CUL7: variants seen among roughly 807,000 people sequenced by gnomAD.
The protein encoded by CUL7 is cullin-7.
CUL7 carries 96 observed loss-of-function variants against 177.7 expected under a neutral mutation model. The ratio of observed to expected loss-of-function variants is 0.54; its 90% CI spans 0.46 to 0.64. The LOEUF (loss-of-function observed/expected upper bound fraction) is 0.64. CUL7 is among the 30% of genes least tolerant of loss of function. The pLI is 0.00. For missense variants in CUL7, 1,893 were observed against 2,187.9 expected (o/e 0.87, Z 2.69); for synonymous variants, 824 against 890.2 (o/e 0.93, Z 1.32).
At position 43,038,349 on chromosome 6, in the gene CUL7, C is replaced by T. The variant is rs1047558983; in HGVS notation, c.4691G>A (p.Arg1564Gln). Residue 1564 changes from arginine to glutamine, a missense_variant, in exon 25 of 26, where the codon CGG becomes CAG. Around this residue, in one of 5 missense-constraint regions of CUL7, gnomAD observed 248 missense variants for 262.5 expected, o/e 0.94. Coordinates refer to ENST00000265348, the MANE Select transcript of CUL7 (RefSeq NM_014780.5). ...GEDGQNLEKR[R>Q]NLLNCLIVRI... ...GACGATGAGGCAGTTCAGAAGATTCCGTCTCTTCTCCAAGTTCTGGCCGTC... is the reference window on the plus strand; with the variant it reads ...GACGATGAGGCAGTTCAGAAGATTCTGTCTCTTCTCCAAGTTCTGGCCGTC... 60 of 1,614,066 alleles carry T rather than the reference C, an allele frequency of 3.7e-5. No individual in the cohort carries two copies. The highest frequency in any genetic ancestry group is 4.5e-5 in the Non-Finnish European group (53 of 1,180,036).
Position 43,037,732 on chromosome 6 carries a change from A to G in CUL7, c.5053T>C (p.Tyr1685His). Residue 1685 changes from tyrosine to histidine, a missense_variant, in exon 26 of 26, where the codon TAT (tyrosine) becomes CAT (histidine). Tyr to His is a moderately conservative substitution (Grantham distance 83). Coordinates refer to ENST00000265348, the MANE Select transcript of CUL7 (RefSeq NM_014780.5). The stretch of plus-strand genomic sequence containing the variant: ...CTCTGGGTGGCAGTGCAGGAGGCAT[A>G]GGGCACACCCCGGGAGCGAATCTGT... ...TLQIRSRGVP[Y>H]ASCTATQSFS... 6.4e-7 allele frequency: 1 copy of G among 1,567,916 alleles called. No homozygotes were observed. The highest frequency in any genetic ancestry group is 8.6e-7 in the Non-Finnish European group (1 of 1,156,162).
chr6:43,052,426 G>A lies in CUL7; in HGVS notation c.363C>T (p.Ala121=), dbSNP rs1764495808. 7.4e-6 allele frequency: 12 copies of A among 1,613,952 alleles called. No individual in the cohort carries two copies. In the East Asian group the frequency reaches 2.7e-4, roughly 36 times the overall value. ...CCACACACTCCTCCAGCTGCCGAAGGGCTCTCTGAATGAGGGACTTCACGT... is the reference window on the plus strand; with the variant it reads ...CCACACACTCCTCCAGCTGCCGAAGAGCTCTCTGAATGAGGGACTTCACGT... ...ETDVKSLIQR[A]LRQLEECVGT... is the part of the protein sequence containing the mutation. Residue 121 remains alanine (A), a synonymous_variant, in exon 2 of 26, where the codon GCC becomes GCT. Transcript: ENST00000265348. This position sits in a 1 kb window ranked among gnomAD's most constrained non-coding sequence, Gnocchi z 4.5.
chr6:43,051,726 T>C lies in CUL7; in HGVS notation c.618A>G (p.Gln206=), dbSNP rs1561896171. The part of the protein sequence containing the change: ...RTQILLSLSQ[Q]EAIEKHLDFD... Reference sequence around the variant, plus strand: ...AATCCAGGTGTTTCTCAATGGCTTCTTGTTGGCTCAGTGACAGAAGGATCT... The same window carrying C: ...AATCCAGGTGTTTCTCAATGGCTTCCTGTTGGCTCAGTGACAGAAGGATCT... Residue 206 remains glutamine (Q), a synonymous_variant, in exon 3 of 26, where the codon CAA becomes CAG. Coordinates refer to ENST00000265348, the MANE Select transcript of CUL7 (RefSeq NM_014780.5). This position sits in a 1 kb window ranked among gnomAD's most constrained non-coding sequence, Gnocchi z 5.0. 1 of 1,614,176 alleles carries C rather than the reference T, an allele frequency of 6.2e-7. No individual in the cohort carries two copies. Among genetic ancestry groups the C allele is most frequent in the Non-Finnish European group, 8.5e-7 (1 of 1,180,034 alleles).
At chr6:43,049,291 G>T in intron 7 of CUL7, 116 bp downstream of exon 7, 1 of 1,335,608 alleles carries the variant, frequency 7.5e-7, no homozygotes, top group Non-Finnish European at 1.1e-6. Flanking sequence ...TCTCTAAGTT[G>T]CAGCTTCTAA....
chr6:43,051,214 G>C lies in CUL7; in HGVS notation c.987C>G (p.Ser329=), dbSNP rs1404803483. ...RPRSSARSPG[S]IFQPQLADVS... is the part of the protein sequence containing the mutation. ...CATCTGCCAGCTGAGGCTGGAAGAT[G>C]GAACCGGGGGACCGTGCTGAGCTCC... Residue 329 remains serine (S), a synonymous_variant, in exon 4 of 26, where the codon TCC becomes TCG. Transcript: ENST00000265348. The surrounding 1 kb of genome is among the most constrained non-coding windows in gnomAD (Gnocchi z 5.0). 3 of 1,614,192 alleles carry C rather than the reference G, an allele frequency of 1.9e-6. No individual in the cohort carries two copies. The highest frequency in any genetic ancestry group is 2.5e-6 in the Non-Finnish European group (3 of 1,180,038).
In CUL7 at chr6:43,043,345, T is replaced by C; in HGVS notation, c.3355+103A>G. 2.3e-6 allele frequency: 3 copies of C among 1,280,992 alleles called. No homozygotes were observed. Among genetic ancestry groups the C allele is most frequent in the Admixed American group, 1.8e-5 (1 of 56,780 alleles). The allele number at this position is 1,280,992 out of a possible 1,614,324, so 79.4% of individuals were successfully genotyped here. A position where few individuals can be genotyped will look rare whatever the true frequency, so the allele number is the denominator to read the frequency against. ...CTGGAAGATGAACAGGCTGAGCCCATAGGGAGGGGAAGGATGGGGATGGAC... is the reference window on the plus strand; with the variant it reads ...CTGGAAGATGAACAGGCTGAGCCCACAGGGAGGGGAAGGATGGGGATGGAC... On this transcript the variant is annotated intron_variant, in intron 17 of 25. Transcript: ENST00000265348. This position sits in a 1 kb window ranked among gnomAD's most constrained non-coding sequence, Gnocchi z 4.2.
In CUL7 at chr6:43,045,607, G is replaced by A. The variant is rs749279996; in HGVS notation, c.2842C>T (p.Arg948Cys). ...LTRFWPIIQI[R>C]IKRCQQGGID... is the part of the protein sequence containing the mutation. Reference sequence around the variant, plus strand: ...CCCACCTGCTGGCAGCGCTTTATGCGGATCTGGATGATGGGCCAGAAGCGG... The same window carrying A: ...CCCACCTGCTGGCAGCGCTTTATGCAGATCTGGATGATGGGCCAGAAGCGG... Residue 948 changes from arginine (R) to cysteine (C), a missense_variant, in exon 14 of 26, where the codon CGC (arginine) becomes TGC (cysteine). By Grantham distance (180) the Arg-to-Cys change is radical (BLOSUM62 -3). Transcript: ENST00000265348. This position sits in a 1 kb window ranked among gnomAD's most constrained non-coding sequence, Gnocchi z 4.8. 8.1e-6 allele frequency: 13 copies of A among 1,614,198 alleles called. No homozygotes were observed. The highest frequency in any genetic ancestry group is 2.2e-5 in the South Asian group (2 of 91,082).
In CUL7 at chr6:43,052,772, C is replaced by T. The variant is rs369208421; in HGVS notation, c.17G>A (p.Arg6His). MVGEL[R>H]YREFRVPLGP... is the part of the protein sequence containing the mutation. ...CAGGGGCACCCTGAATTCCCTGTAG[C>T]GGAGTTCTCCCACCATCCTGGCACC... The change falls in exon 2 of 26, where the codon CGC (arginine) becomes CAC (histidine). Residue 6 changes from arginine (R) to histidine (H), a missense_variant. By Grantham distance (29) the Arg-to-His change is conservative (BLOSUM62 0). Coordinates refer to ENST00000265348, the MANE Select transcript of CUL7 (RefSeq NM_014780.5). This position sits in a 1 kb window ranked among gnomAD's most constrained non-coding sequence, Gnocchi z 4.5. 8.3e-5 allele frequency: 133 copies of T among 1,605,584 alleles called. No individual in the cohort carries two copies. The Admixed American group carries it at 1.1e-3, about 14-fold the overall frequency.
At position 43,043,241 on chromosome 6, in the gene CUL7, C is replaced by T. The variant is rs1383507013; in HGVS notation, c.3356-61G>A. 3 of 1,430,510 alleles carry T rather than the reference C, an allele frequency of 2.1e-6. No homozygotes were observed. Among genetic ancestry groups the T allele is most frequent in the Non-Finnish European group, 2.9e-6 (3 of 1,021,796 alleles). 88.6% of individuals were successfully genotyped at this position (1,430,510 alleles called of 1,614,324 possible). A position where few individuals can be genotyped will look rare whatever the true frequency, so the allele number is the denominator to read the frequency against. Reference sequence around the variant, plus strand: ...GTGCAGCCCCTCCACTCCCAAGTCCCCATCCAAGGGGGTTCCCTGAGGCCT... The same window carrying T: ...GTGCAGCCCCTCCACTCCCAAGTCCTCATCCAAGGGGGTTCCCTGAGGCCT... On this transcript the variant is annotated intron_variant, in intron 17 of 25. Coordinates refer to ENST00000265348, the MANE Select transcript of CUL7 (RefSeq NM_014780.5). The surrounding 1 kb of genome is among the most constrained non-coding windows in gnomAD (Gnocchi z 4.2).
rs775448765 is a variant in CUL7, at chr6:43,038,650, C to T, written c.4483G>A (p.Ala1495Thr). 1.2e-5 allele frequency: 20 copies of T among 1,613,812 alleles called. No individual in the cohort carries two copies. Among genetic ancestry groups the T allele is most frequent in the African/African-American group, 9.3e-5 (7 of 74,876 alleles). The change falls in exon 24 of 26, where the codon GCA becomes ACA. Residue 1495 changes from alanine to threonine, a missense_variant. Ala to Thr is a moderately conservative substitution (Grantham distance 58). Coordinates refer to ENST00000265348, the MANE Select transcript of CUL7 (RefSeq NM_014780.5). ...CCAATCGCCTGATTGAGCATGTCTG[C>T]GGAGAGCCCTGAGAACGCCAGCAGA... is the stretch of plus-strand genomic sequence containing the variant. The part of the protein sequence containing the change: ...ESLLAFSGLS[A>T]DMLNQAIGPL...
In CUL7 at chr6:43,043,474, G is replaced by T. The variant is rs973345906; in HGVS notation, c.3329C>A (p.Pro1110His). The T allele has an allele frequency of 1.9e-6, 3 of 1,613,992 alleles. No homozygotes were observed. Among genetic ancestry groups the T allele is most frequent in the Admixed American group, 3.3e-5 (2 of 60,012 alleles). ...GGGCCGAGGAGTGGCCACCACAGGA[G>T]GGGGTGCCTCACAGGGCTCGACATG... ...LVHVEPCEAP[P>H]PVVATPRPKG... Residue 1110 changes from proline (P) to histidine (H), a missense_variant, in exon 17 of 26, where the codon CCT becomes CAT. Pro to His is a moderately conservative substitution (Grantham distance 77). Coordinates refer to ENST00000265348, the MANE Select transcript of CUL7 (RefSeq NM_014780.5). The surrounding 1 kb of genome is among the most constrained non-coding windows in gnomAD (Gnocchi z 4.2).
At position 43,045,744 on chromosome 6, in the gene CUL7, C is replaced by T. The variant is rs1581932656; in HGVS notation, c.2767-62G>A. On this transcript the variant is annotated intron_variant, in intron 13 of 25. Transcript: ENST00000265348. This position sits in a 1 kb window ranked among gnomAD's most constrained non-coding sequence, Gnocchi z 4.8. ...TGCAGAGCCAAGTTGGCTCTAGGCT[C>T]CAGTCCCCTCACTGTTTCCCTCCCT... The T allele has an allele frequency of 7.1e-6, 11 of 1,548,976 alleles. No individual in the cohort carries two copies. In the East Asian group the frequency reaches 2.2e-4, roughly 32 times the overall value.
chr6:43,052,859 A>C lies in CUL7; in HGVS notation c.-8-63T>G, dbSNP rs1764543531. 6.5e-7 allele frequency: 1 copy of C among 1,530,824 alleles called. No individual in the cohort carries two copies. The highest frequency in any genetic ancestry group is 1.2e-5 in the South Asian group (1 of 85,912). The allele number at this position is 1,530,824 out of a possible 1,614,324, so 94.8% of individuals were successfully genotyped here. Reference sequence around the variant, plus strand: ...GGAAGGAGAGGTCAGAAAATCAAAGATATCCAGGAGGTGGGGAAGCAAATG... The same window carrying C: ...GGAAGGAGAGGTCAGAAAATCAAAGCTATCCAGGAGGTGGGGAAGCAAATG... On this transcript the variant is annotated intron_variant, in intron 1 of 25. Coordinates refer to ENST00000265348, the MANE Select transcript of CUL7 (RefSeq NM_014780.5). This position sits in a 1 kb window ranked among gnomAD's most constrained non-coding sequence, Gnocchi z 4.5.
chr6:43,046,492 C>T lies in CUL7; in HGVS notation c.2488+19G>A. The stretch of plus-strand genomic sequence containing the variant: ...ACATAGGTGTGGGGAGGTGGAGCAA[C>T]ACGGCAACAGGCACGAACCCTGGCA... On this transcript the variant is annotated intron_variant, in intron 11 of 25. Transcript: ENST00000265348. 1 of 1,614,106 alleles carries T rather than the reference C, an allele frequency of 6.2e-7. No homozygotes were observed. Among genetic ancestry groups the T allele is most frequent in the Non-Finnish European group, 8.5e-7 (1 of 1,180,016 alleles).
Position 43,051,823 on chromosome 6 carries a change from G to T in CUL7, c.581-60C>A. 6.3e-7 allele frequency: 1 copy of T among 1,581,186 alleles called. No individual in the cohort carries two copies. The highest frequency in any genetic ancestry group is 2.2e-5 in the East Asian group (1 of 44,672). On this transcript the variant is annotated intron_variant, in intron 2 of 25. Transcript: ENST00000265348. The surrounding 1 kb of genome is among the most constrained non-coding windows in gnomAD (Gnocchi z 5.0). Reference sequence around the variant, plus strand: ...AATCTCACCCTTCCTAGAAATCTTAGACCCTCTACTCTTTCAATCCAATCC... The same window carrying T: ...AATCTCACCCTTCCTAGAAATCTTATACCCTCTACTCTTTCAATCCAATCC...
rs143287239 is a variant in CUL7 at position 43,049,566 on chromosome 6, G to A, written c.1666C>T (p.Leu556Phe). ...ACATGGCAGTTGATCAGGTCCCTGAGGGCACTGTCATTGAGTCGCTGTGGC... is the reference window on the plus strand; with the variant it reads ...ACATGGCAGTTGATCAGGTCCCTGAAGGCACTGTCATTGAGTCGCTGTGGC... ...TLPQRLNDSA[L>F]RDLINCHVYK... Residue 556 changes from leucine to phenylalanine, a missense_variant, in exon 7 of 26, where the codon CTC becomes TTC. Leu to Phe is a conservative substitution (Grantham distance 22, BLOSUM62 0). Transcript: ENST00000265348. 9.3e-6 allele frequency: 15 copies of A among 1,614,094 alleles called. No individual in the cohort carries two copies. The African/African-American group carries it at 2.0e-4, about 22-fold the overall frequency.
In CUL7 at chr6:43,051,332, C is replaced by A. The variant is rs766197469; in HGVS notation, c.869G>T (p.Gly290Val). 17 of 1,610,924 alleles carry A rather than the reference C, an allele frequency of 1.1e-5. No individual in the cohort carries two copies. Among genetic ancestry groups the A allele is most frequent in the Admixed American group, 3.3e-5 (2 of 59,808 alleles). Residue 290 changes from glycine to valine, a missense_variant, in exon 4 of 26, where the codon GGT (glycine) becomes GTT (valine). Around this residue, in one of 5 missense-constraint regions of CUL7, gnomAD observed 653 missense variants for 725.2 expected, o/e 0.90. Coordinates refer to ENST00000265348, the MANE Select transcript of CUL7 (RefSeq NM_014780.5). This position sits in a 1 kb window ranked among gnomAD's most constrained non-coding sequence, Gnocchi z 5.0. ...CATACTGAACTCCAGCTCCAGTTGACCCCTCTCCCCACTCAACTCCTCAGG... is the reference window on the plus strand; with the variant it reads ...CATACTGAACTCCAGCTCCAGTTGAACCCTCTCCCCACTCAACTCCTCAGG... ...SAPEELSGERGQLELEFSMAM... is the reference protein window; with the variant it reads ...SAPEELSGERVQLELEFSMAM...
In CUL7 at chr6:43,053,225, A is replaced by AT. The variant is rs1343934306; in HGVS notation, c.-9+396dup. On this transcript the variant is annotated intron_variant, in intron 1 of 25. Coordinates refer to ENST00000265348, the MANE Select transcript of CUL7 (RefSeq NM_014780.5). The surrounding 1 kb of genome is among the most constrained non-coding windows in gnomAD (Gnocchi z 4.1). ...GGGTGCTGTCTCTAAGGATTGGAGC[A>AT]TGGGAGTGCGAGACCCAAGTTAAGA... Among the ~76,000 whole-genome samples, 1 of 152,104 alleles carries AT rather than the reference A, an allele frequency of 6.6e-6. No individual in the cohort carries two copies. The highest frequency in any genetic ancestry group is 1.9e-4 in the East Asian group (1 of 5,180).
intron 7 of CUL7, 32 bp from the exon 8 acceptor site, chr6:43,048,601 C>A: frequency 6.8e-7 from 1 of 1,461,982 alleles, no homozygotes; most frequent in East Asian, 2.3e-5. Flanking sequence ...AGGAGTTGGC[C>A]ATTGTTAGTA....
Sources: gnomAD v4.1 joint callset for allele counts (sites outside exome capture counted in the v4.1 genomes callset) on GRCh38, gnomAD v4.1.1 for gene constraint, gnomAD v4.1.1 regional missense constraint, Gnocchi (gnomAD v3.1) non-coding constraint, MANE v1.5 for transcripts, NCBI Gene and HGNC (gene_info 2026-07-23, HGNC 2026-07-21) for gene names.